The following CDK14 variants were observed in gnomAD, a reference collection of about 807,000 sequenced individuals.
The protein encoded by CDK14 is cyclin-dependent kinase 14.
A neutral mutation model predicts 60.7 loss-of-function variants in CDK14; 34 were observed. The ratio of observed to expected loss-of-function variants is 0.56; its 90% CI spans 0.43 to 0.75. The LOEUF is 0.75. CDK14 is among the 30% of genes least tolerant of loss of function. The probability of loss-of-function intolerance (pLI) is 0.00; values close to 1 mark genes in which losing one functional copy is unlikely to be tolerated. For synonymous variants in CDK14, 197 were observed against 203.7 expected, an observed-to-expected ratio of 0.97 and a Z score of 0.28; for missense variants, 482 against 564.1, an observed-to-expected ratio of 0.85 and a Z score of 1.47.
intron 9 of CDK14, among the ~76,000 whole-genome samples, chr7:90,963,149 G>A (rs1240579162): frequency 6.8e-6 from 1 of 146,594 alleles, no homozygotes; most frequent in African/African-American, 2.5e-5. Context: ...ATATAGGCAG[G>A]AGTGTTGGCT....
intron 12 of CDK14, among the ~76,000 whole-genome samples, chr7:91,093,415 GACAA>G (rs1331214868): frequency 6.6e-6 from 1 of 152,164 alleles, no homozygotes; most frequent in Non-Finnish European, 1.5e-5. Flanking sequence ...TTAGAAAAAG[GACAA>G]ACAGAGTGGG....
At chr7:91,047,072 T>G (rs1010307351) in intron 11 of CDK14, among the ~76,000 whole-genome samples, 2 of 152,160 alleles carry the variant, frequency 1.3e-5, no homozygotes, top group African/African-American at 4.8e-5. Context: ...ACCTAACAAT[T>G]TTAAATGGAC....
intron 1 of CDK14, among the ~76,000 whole-genome samples, chr7:90,601,922 TTA>T (rs1799322557): frequency 3.8e-4 from 54 of 143,388 alleles, no homozygotes; most frequent in Admixed American, 6.3e-4. Flanking sequence ...TTGGCTAATT[TTA>T]TGTATGTATG....
At position 91,135,477 on chromosome 7, in the gene CDK14, G is replaced by T. The variant is rs140790136; in HGVS notation, c.*28+17269G>T. On this transcript the variant is annotated intron_variant, in intron 14 of 14. Transcript: ENST00000380050. The stretch of plus-strand genomic sequence containing the variant: ...TGTCAGGAATAGATGGTCTGCAAGG[G>T]TGAGCCCGACAGAGAAAAGATAGCC... Among the ~76,000 whole-genome samples, 386 of 152,284 alleles carry T rather than the reference G, an allele frequency of 2.5e-3. 3 individuals are homozygous for T. The highest frequency in any genetic ancestry group is 9.0e-3 in the African/African-American group (373 of 41,558).
chr7:90,852,149 C>T (rs1790665491), intron 5 of CDK14, among the ~76,000 whole-genome samples: 1 of 152,144 alleles, frequency 6.6e-6, no homozygotes, highest in East Asian at 1.9e-4. Context: ...CTCCCACCTC[C>T]ACCTTTCAAA....
At chr7:90,796,397 T>A (rs1788432282) in intron 5 of CDK14, among the ~76,000 whole-genome samples, 1 of 152,150 alleles carries the variant, frequency 6.6e-6, no homozygotes, top group African/African-American at 2.4e-5. Flanking sequence ...CTAGGTGAAG[T>A]ATTGATTACA....
At chr7:91,168,428 CCT>C (rs1276287453) in intron 14 of CDK14, among the ~76,000 whole-genome samples, 2 of 152,030 alleles carry the variant, frequency 1.3e-5, no homozygotes, top group East Asian at 1.9e-4. Context: ...AGTCAAGAAA[CCT>C]CTTACAGAGT....
intron 3 of CDK14, among the ~76,000 whole-genome samples, chr7:90,738,207 T>C (rs763651886): frequency 2.0e-5 from 3 of 152,210 alleles, no homozygotes; most frequent in Non-Finnish European, 4.4e-5. Context: ...CCAGTAACTA[T>C]AGGATTTTAG....
intron 12 of CDK14, among the ~76,000 whole-genome samples, chr7:91,111,214 C>T (rs1275924086): frequency 6.6e-6 from 1 of 151,926 alleles, no homozygotes; most frequent in African/African-American, 2.4e-5. Context: ...CCCCTTTTTC[C>T]TTCTCTACCC....
At chr7:91,065,167 C>T (rs1797939472) in intron 11 of CDK14, among the ~76,000 whole-genome samples, 1 of 152,098 alleles carries the variant, frequency 6.6e-6, no homozygotes, top group Non-Finnish European at 1.5e-5. Flanking sequence ...TTCCTATAGC[C>T]AGGGCAAGTT....
At chr7:90,906,275 T>C (rs191126345) in intron 7 of CDK14, among the ~76,000 whole-genome samples, 2 of 152,248 alleles carry the variant, frequency 1.3e-5, no homozygotes, top group Admixed American at 1.3e-4. Context: ...TGGGAAAATA[T>C]AGACAAAAAA....
At chr7:90,974,527 C>T (rs982787042) in intron 9 of CDK14, among the ~76,000 whole-genome samples, 16 of 152,094 alleles carry the variant, frequency 1.1e-4, no homozygotes, top group East Asian at 3.9e-4. Context: ...TCTGACTTCC[C>T]GAAACAAACT....
chr7:91,100,870 G>T (rs1282002902), intron 12 of CDK14, among the ~76,000 whole-genome samples: 1 of 152,172 alleles, frequency 6.6e-6, no homozygotes, highest in Non-Finnish European at 1.5e-5. Context: ...TCAAAAACTT[G>T]ATTCATTTCA....
At chr7:90,704,915 G>A (rs1303983985) in intron 2 of CDK14, among the ~76,000 whole-genome samples, 1 of 151,904 alleles carries the variant, frequency 6.6e-6, no homozygotes, top group South Asian at 2.1e-4. Context: ...AGTTTTTAGG[G>A]TTCACAAAAA....
intron 2 of CDK14, among the ~76,000 whole-genome samples, chr7:90,720,738 G>T (rs187289248): frequency 4.6e-5 from 7 of 152,008 alleles, no homozygotes; most frequent in African/African-American, 1.7e-4. Flanking sequence ...CCTTTCTAGG[G>T]TTATAGATCT....
intron 10 of CDK14, among the ~76,000 whole-genome samples, chr7:91,025,259 T>C (rs1446748356): frequency 6.6e-6 from 1 of 152,156 alleles, no homozygotes; most frequent in South Asian, 2.1e-4. Flanking sequence ...CCTGGCACTT[T>C]GTTCTTCTGA....
rs17866378 is a variant in CDK14, at chr7:90,598,267, T to C, written c.91+1549T>C. ...AGGACATTAATCTAAAAGTTCCTTA[T>C]ATTTAAATAATTTCAAGGTTTTGAT... On this transcript the variant is annotated intron_variant, in intron 1 of 14. Coordinates refer to ENST00000380050, the MANE Select transcript of CDK14 (RefSeq NM_001287135.2). Among the ~76,000 whole-genome samples the C allele has an allele frequency of 5.4e-3, 823 of 152,372 alleles. 6 individuals carry two copies. Among genetic ancestry groups the C allele is most frequent in the African/African-American group, 0.017 (709 of 41,588 alleles).
At chr7:90,677,977 C>T in intron 2 of CDK14, among the ~76,000 whole-genome samples, 1 of 152,150 alleles carries the variant, frequency 6.6e-6, no homozygotes, top group Non-Finnish European at 1.5e-5. Context: ...TGAGTTGCCT[C>T]TTCGGCAGAG....
chr7:90,648,044 C>T (rs1035081463), intron 2 of CDK14, among the ~76,000 whole-genome samples: 3 of 152,022 alleles, frequency 2.0e-5, no homozygotes, highest in African/African-American at 7.3e-5. Context: ...ATAAATTACT[C>T]CTAAACTTCA....
Sources: gnomAD v4.1 joint callset for allele counts (sites outside exome capture counted in the v4.1 genomes callset) on GRCh38, gnomAD v4.1.1 for gene constraint, MANE v1.5 for transcripts, NCBI Gene and HGNC (gene_info 2026-07-23, HGNC 2026-07-21) for gene names.